The following RYR3 variants were observed in gnomAD, a reference collection of about 807,000 sequenced individuals.
RYR3 encodes the protein ryanodine receptor 3.
Under a neutral mutation model 584.3 loss-of-function variants are expected in RYR3, and 207 were observed. The observed-to-expected ratio is 0.35, with a 90% confidence interval of 0.32 to 0.40. The LOEUF (loss-of-function observed/expected upper bound fraction) is 0.40. Ranked by LOEUF, RYR3 falls within the 10% of genes least tolerant of loss-of-function variation. The pLI, the probability that RYR3 is intolerant of heterozygous loss-of-function variation, is 1.00. For synonymous variants in RYR3, 2,416 were observed against 2,248.5 expected (o/e 1.07, Z -2.11); for missense variants, 5,616 against 6,089.2 (o/e 0.92, Z 2.59).
At chr15:33,633,568 T>C (rs778113794) in intron 24 of RYR3, among the ~76,000 whole-genome samples, 2 of 152,128 alleles carry the variant, frequency 1.3e-5, no homozygotes, top group African/African-American at 2.4e-5. Context: ...TAATCACCAA[T>C]GGTAGGGTTA....
At chr15:33,428,960 G>A (rs1484952333) in intron 1 of RYR3, among the ~76,000 whole-genome samples, 1 of 152,180 alleles carries the variant, frequency 6.6e-6, no homozygotes, top group African/African-American at 2.4e-5. Flanking sequence ...TTTACTGTTA[G>A]AGCTTGGGAA....
At chr15:33,555,013 G>A (rs1341735046) in intron 10 of RYR3, among the ~76,000 whole-genome samples, 2 of 152,178 alleles carry the variant, frequency 1.3e-5, no homozygotes, top group South Asian at 2.1e-4. Context: ...ATAGATTCTC[G>A]AATGTTGCCT....
chr15:33,382,345 A>G (rs900186831), intron 1 of RYR3, among the ~76,000 whole-genome samples: 6 of 58,640 alleles, frequency 1.0e-4, no homozygotes, highest in Non-Finnish European at 1.4e-4. Context: ...TTTTTTTGAG[A>G]CGGAGTCTCG....
At chr15:33,843,673 G>C in intron 92 of RYR3, 99 bp downstream of exon 92, 3 of 864,678 alleles carry the variant, frequency 3.5e-6, no homozygotes, top group Middle Eastern at 2.3e-4. Flanking sequence ...CTTAATTGTA[G>C]CAAACATTCT....
At chr15:33,524,843 G>GT (rs1185977146) in intron 3 of RYR3, among the ~76,000 whole-genome samples, 1 of 152,030 alleles carries the variant, frequency 6.6e-6, no homozygotes, top group Non-Finnish European at 1.5e-5. Context: ...ATGAGGCTTA[G>GT]TTTTTTTCCC....
chr15:33,818,429 T>C (rs2152955084), intron 75 of RYR3, 149 bp from the exon 76 acceptor site: 2 of 606,424 alleles, frequency 3.3e-6, no homozygotes, highest in African/African-American at 1.9e-5. Flanking sequence ...GCTTCTATCC[T>C]GAAATAAATA....
chr15:33,766,521 A>C (rs2073089484), intron 60 of RYR3, among the ~76,000 whole-genome samples: 1 of 152,178 alleles, frequency 6.6e-6, no homozygotes, highest in South Asian at 2.1e-4. Context: ...TATTCAGATA[A>C]TCCAACAGAG....
chr15:33,700,855 T>G, intron 41 of RYR3, 122 bp from the exon 42 acceptor site: 1 of 621,548 alleles, frequency 1.6e-6, no homozygotes, highest in East Asian at 2.8e-5. Flanking sequence ...AGAACGGTCA[T>G]GTAAGCCAGG....
chr15:33,366,504 A>G (rs1228927406), intron 1 of RYR3, among the ~76,000 whole-genome samples: 3 of 152,230 alleles, frequency 2.0e-5, no homozygotes, highest in Non-Finnish European at 2.9e-5. Context: ...ACTTAATTTC[A>G]AAAAGCTAAG....
At chr15:33,816,661 G>GA (rs2076828464) in intron 74 of RYR3, among the ~76,000 whole-genome samples, 1 of 152,210 alleles carries the variant, frequency 6.6e-6, no homozygotes, top group African/African-American at 2.4e-5. Context: ...TTCAGAAGGT[G>GA]CTCTAATATT....
chr15:33,457,539 C>T (rs1434611322), intron 1 of RYR3, among the ~76,000 whole-genome samples: 1 of 151,938 alleles, frequency 6.6e-6, no homozygotes, highest in African/African-American at 2.4e-5. Context: ...ATTGATCTCA[C>T]AGAAGTAGAG....
rs151306107 is a variant in RYR3, at chr15:33,452,604, T to A, written c.52-20815T>A. ...GAGTACTTGTTAGATACAAGTACTG[T>A]TTTGGAGGTTTTATATTTACTAACT... On this transcript the variant is annotated intron_variant, in intron 1 of 103. Coordinates refer to ENST00000634891, the MANE Select transcript of RYR3 (RefSeq NM_001036.6). 2.0e-5 allele frequency among the ~76,000 whole-genome samples: 3 copies of A among 152,272 alleles called. No homozygotes were observed. In the East Asian group the frequency reaches 5.8e-4, roughly 29 times the overall value.
intron 23 of RYR3, among the ~76,000 whole-genome samples, chr15:33,631,615 A>G (rs2061268940): frequency 6.6e-6 from 1 of 152,204 alleles, no homozygotes; most frequent in African/African-American, 2.4e-5. Flanking sequence ...GTTCCCAGCC[A>G]TGACAGAGAG....
rs922877409 is a variant in RYR3, at chr15:33,412,303, C to T, written c.52-61116C>T. ...ATGGGTTGTTCTTGGCACGGACTTG[C>T]CAGTGACCTCTTCCAAGTGCCAAAG... On this transcript the variant is annotated intron_variant, in intron 1 of 103. Coordinates refer to ENST00000634891, the MANE Select transcript of RYR3 (RefSeq NM_001036.6). The surrounding 1 kb of genome is among the most constrained non-coding windows in gnomAD (Gnocchi z 4.3). Among the ~76,000 whole-genome samples the T allele has an allele frequency of 2.0e-5, 3 of 152,194 alleles. No individual in the cohort carries two copies. The highest frequency in any genetic ancestry group is 2.1e-4 in the South Asian group (1 of 4,812).
chr15:33,623,308 GTT>G (rs1566805670), intron 19 of RYR3, among the ~76,000 whole-genome samples: 4 of 152,172 alleles, frequency 2.6e-5, no homozygotes, highest in African/African-American at 9.7e-5. Context: ...ATACTCTGAT[GTT>G]ACTTAGTCTT....
chr15:33,462,031 G>A (rs1045959921), intron 1 of RYR3, among the ~76,000 whole-genome samples: 1 of 152,144 alleles, frequency 6.6e-6, no homozygotes, highest in African/African-American at 2.4e-5. Context: ...TGGTTTGTTT[G>A]TTTAAGAAAC....
At chr15:33,702,383 C>T (rs2066369440) in intron 42 of RYR3, among the ~76,000 whole-genome samples, 1 of 152,132 alleles carries the variant, frequency 6.6e-6, no homozygotes, top group South Asian at 2.1e-4. Flanking sequence ...AATCAAAGCC[C>T]AAGACTGTGC....
At chr15:33,774,465 A>G (rs181424426) in intron 64 of RYR3, among the ~76,000 whole-genome samples, 8 of 152,338 alleles carry the variant, frequency 5.3e-5, no homozygotes, top group Admixed American at 1.3e-4. Flanking sequence ...ACAAATTGGT[A>G]GTGAACCCTC....
chr15:33,322,065 A>G (rs1969040829), intron 1 of RYR3, among the ~76,000 whole-genome samples: 1 of 152,224 alleles, frequency 6.6e-6, no homozygotes, highest in African/African-American at 2.4e-5. Context: ...CAGAAAGTAC[A>G]CTTTATAGAG....
Sources: allele counts gnomAD v4.1 joint callset (sites outside exome capture counted in the v4.1 genomes callset), GRCh38; gene constraint gnomAD v4.1.1; non-coding constraint Gnocchi (gnomAD v3.1); transcripts MANE v1.5; gene names NCBI Gene and HGNC (gene_info 2026-07-23, HGNC 2026-07-21).